CFAP92: variants seen among roughly 807,000 people sequenced by gnomAD.
The protein encoded by CFAP92 is cilia and flagella associated protein 92 (putative), also known as uncharacterized protein CFAP92.
A neutral mutation model predicts 106.3 loss-of-function variants in CFAP92; 86 were observed. The ratio of observed to expected loss-of-function variants is 0.81; its 90% CI spans 0.68 to 0.97. The LOEUF (loss-of-function observed/expected upper bound fraction) is 0.97. Ranked by LOEUF, CFAP92 falls within the 50% of genes least tolerant of loss-of-function variation. CFAP92 has a pLI of 0.00. For synonymous variants in CFAP92, 477 were observed against 506.4 expected, an observed-to-expected ratio of 0.94 and a Z score of 0.78; for missense variants, 1,204 against 1,283.8, an observed-to-expected ratio of 0.94 and a Z score of 0.95.
rs113886968 is a variant in CFAP92 at position 128,943,537 on chromosome 3, CT to C, written c.2258+1533del. On this transcript the variant is annotated intron_variant, in intron 10 of 15. Transcript: ENST00000645291. ...AGATATGTGTATCAGTATTTCATTT[CT>C]TTTTTTTTTTTCTTGAGACGGAGTT... is the stretch of plus-strand genomic sequence containing the variant. 2.7e-3 allele frequency among the ~76,000 whole-genome samples: 396 copies of C among 146,116 alleles called. 1 individual carries two copies. The highest frequency in any genetic ancestry group is 3.3e-3 in the Non-Finnish European group (218 of 65,940).
chr3:128,956,992 A>AG (rs1288159192), intron 9 of CFAP92, among the ~76,000 whole-genome samples: 30 of 138,866 alleles, frequency 2.2e-4, no homozygotes, highest in Non-Finnish European at 3.8e-4. Context: ...AAAAAAAAAA[A>AG]AAAAAGAAAT....
At chr3:128,927,881 A>C (rs1305102988) in intron 12 of CFAP92, among the ~76,000 whole-genome samples, 1 of 152,224 alleles carries the variant, frequency 6.6e-6, no homozygotes, top group Admixed American at 6.5e-5. Flanking sequence ...AAATAACAGC[A>C]GAGACATTCC....
chr3:129,006,373 A>G (rs768557285), upstream of CFAP92, among the ~76,000 whole-genome samples: 1 of 152,106 alleles, frequency 6.6e-6, no homozygotes, highest in African/African-American at 2.4e-5. Context: ...CTGGAGTGCA[A>G]TGGTGCGATC....
At chr3:129,020,693 G>T in the CFAP92 span, among the ~76,000 whole-genome samples, 1 of 152,268 alleles carries the variant, frequency 6.6e-6, no homozygotes, top group African/African-American at 2.4e-5. Flanking sequence ...GAAAGACTTG[G>T]TAAGGCACGC....
At chr3:128,937,365 T>C (rs918849017) in intron 10 of CFAP92, among the ~76,000 whole-genome samples, 15 of 143,704 alleles carry the variant, frequency 1.0e-4, no homozygotes, top group Non-Finnish European at 2.1e-4. Context: ...GTAATCCCAG[T>C]ACTATGGGAG....
intron 12 of CFAP92, among the ~76,000 whole-genome samples, chr3:128,924,432 C>CT (rs71153151): frequency 0.039 from 2,715 of 69,798 alleles, 448 homozygotes; most frequent in Non-Finnish European, 0.047. Context: ...ACGATTGTAT[C>CT]TTTTTTTTTT....
intron 7 of CFAP92, among the ~76,000 whole-genome samples, chr3:128,974,310 G>A (rs1398536690): frequency 2.6e-5 from 4 of 152,182 alleles, no homozygotes; most frequent in African/African-American, 9.6e-5. Context: ...CATCCCAGGA[G>A]GCAGCAGTAT....
chr3:128,932,967 G>A lies in CFAP92; in HGVS notation c.2484C>T (p.Thr828=), dbSNP rs1938565966. Residue 828 remains threonine, a synonymous_variant, in exon 12 of 16, where the codon ACC becomes ACT. Coordinates refer to ENST00000645291, the MANE Select transcript of CFAP92 (RefSeq NM_001394090.1). The part of the protein sequence containing the change: ...RIHDICYNST[T]LWDVTVRDLL... ...GGTCCCTCACCGTCACGTCCCAGAG[G>A]GTGGTGCTGTTATAGCAGATGTCGT... 4 of 1,535,976 alleles carry A rather than the reference G, an allele frequency of 2.6e-6. No homozygotes were observed. Among genetic ancestry groups the A allele is most frequent in the South Asian group, 1.2e-5 (1 of 84,060 alleles).
the CFAP92 span, among the ~76,000 whole-genome samples, chr3:129,008,240 A>G: frequency 6.6e-6 from 1 of 152,378 alleles, no homozygotes; most frequent in South Asian, 2.1e-4. Context: ...ATTTTTGTTC[A>G]TGGATAAGAC....
intron 9 of CFAP92, among the ~76,000 whole-genome samples, chr3:128,961,126 C>T (rs1043530225): frequency 1.3e-5 from 2 of 152,188 alleles, no homozygotes; most frequent in African/African-American, 4.8e-5. Context: ...AATACAAACT[C>T]AACAGTAGTT....
At chr3:128,929,084 C>A (rs1314241313) in intron 12 of CFAP92, among the ~76,000 whole-genome samples, 1 of 152,110 alleles carries the variant, frequency 6.6e-6, no homozygotes, top group Non-Finnish European at 1.5e-5. Flanking sequence ...CACAGTGAGA[C>A]CCTGTCTCAA....
Position 128,910,279 on chromosome 3 carries a change from C to T in CFAP92, c.*20G>A, listed in dbSNP as rs1035346461. 4.9e-5 allele frequency: 74 copies of T among 1,523,804 alleles called. No individual in the cohort carries two copies. The highest frequency in any genetic ancestry group is 5.3e-5 in the Non-Finnish European group (60 of 1,137,452). The allele number at this position is 1,523,804 out of a possible 1,614,324, so 94.4% of individuals were successfully genotyped here. ...CTGTGCAGGTTCACCATGCGGTGGCCGTGGGAGGGTCTGTGCTGCTCAGGA... is the reference window on the plus strand; with the variant it reads ...CTGTGCAGGTTCACCATGCGGTGGCTGTGGGAGGGTCTGTGCTGCTCAGGA... On this transcript the variant is annotated 3_prime_UTR_variant, in exon 16 of 16. Coordinates refer to ENST00000645291, the MANE Select transcript of CFAP92 (RefSeq NM_001394090.1).
the CFAP92 span, among the ~76,000 whole-genome samples, chr3:129,026,591 C>T: frequency 2.0e-5 from 3 of 152,178 alleles, no homozygotes; most frequent in African/African-American, 7.2e-5. Context: ...TACCAACTCC[C>T]ATCTTTGCTG....
At chr3:129,014,844 G>A in the CFAP92 span, among the ~76,000 whole-genome samples, 2 of 152,102 alleles carry the variant, frequency 1.3e-5, no homozygotes, top group African/African-American at 4.8e-5. This position sits in a 1 kb window ranked among gnomAD's most constrained non-coding sequence, Gnocchi z 4.3. Context: ...GGATGCCGAG[G>A]GGCCAGTGAG....
intron 9 of CFAP92, among the ~76,000 whole-genome samples, chr3:128,962,259 C>T (rs143988824): frequency 0.054 from 8,268 of 152,212 alleles, 368 homozygotes; most frequent in East Asian, 0.19. Context: ...GTAAGCCCGT[C>T]CCCTTCTTAA....
chr3:128,979,247 T>C (rs2107796424), intron 4 of CFAP92, among the ~76,000 whole-genome samples: 1 of 152,266 alleles, frequency 6.6e-6, no homozygotes, highest in Non-Finnish European at 1.5e-5. Flanking sequence ...CACAATGAAA[T>C]ACCATCTCAC....
chr3:128,984,705 T>A (rs1943743313), intron 4 of CFAP92, among the ~76,000 whole-genome samples: 1 of 152,166 alleles, frequency 6.6e-6, no homozygotes, highest in East Asian at 1.9e-4. Flanking sequence ...CATATATACA[T>A]CTATCCTATT....
At chr3:129,002,412 A>C (rs1408577346) in intron 1 of CFAP92, 9 of 1,431,722 alleles carry the variant, frequency 6.3e-6, no homozygotes, top group African/African-American at 3.0e-5. Flanking sequence ...GACAGGACAG[A>C]GTCAGAGGAA....
chr3:129,001,412 G>T (rs1156889430), intron 1 of CFAP92, among the ~76,000 whole-genome samples: 2 of 152,232 alleles, frequency 1.3e-5, no homozygotes, highest in Non-Finnish European at 2.9e-5. Flanking sequence ...GGTCCCGGGG[G>T]TTCCTGGACC....
Sources: gnomAD v4.1 joint callset for allele counts (sites outside exome capture counted in the v4.1 genomes callset) on GRCh38, gnomAD v4.1.1 for gene constraint, Gnocchi (gnomAD v3.1) non-coding constraint, MANE v1.5 for transcripts, NCBI Gene and HGNC (gene_info 2026-07-23, HGNC 2026-07-21) for gene names.